Variants in ABLIM2 observed in about 807,000 individuals in gnomAD.
ABLIM2 encodes actin-binding LIM protein 2.
A neutral mutation model predicts 97.7 loss-of-function variants in ABLIM2; 53 were observed. That is an observed-to-expected ratio of 0.54 (90% CI 0.44 to 0.68). ABLIM2 has a LOEUF of 0.68. Ranked by LOEUF, ABLIM2 falls within the 30% of genes least tolerant of loss-of-function variation. The pLI, the probability that ABLIM2 is intolerant of heterozygous loss-of-function variation, is 0.00. For synonymous variants in ABLIM2, 361 were observed against 345.8 expected, an observed-to-expected ratio of 1.04 and a Z score of -0.49; for missense variants, 835 against 867.2, an observed-to-expected ratio of 0.96 and a Z score of 0.47.
chr4:8,059,641 C>T (rs1275314000), intron 7 of ABLIM2, among the ~76,000 whole-genome samples: 1 of 152,114 alleles, frequency 6.6e-6, no homozygotes, highest in African/African-American at 2.4e-5. Context: ...GTGGATCATA[C>T]CTGTAATCTC....
At chr4:7,993,136 C>A (rs1263245782) in intron 16 of ABLIM2, among the ~76,000 whole-genome samples, 1 of 152,216 alleles carries the variant, frequency 6.6e-6, no homozygotes, top group African/African-American at 2.4e-5. Flanking sequence ...ATGTCCTGAG[C>A]CTGCCCGTGA....
Position 8,072,045 on chromosome 4 carries a change from G to T in ABLIM2, c.675+5583C>A. 1 of 985,454 alleles carries T rather than the reference G, an allele frequency of 1.0e-6. No individual in the cohort carries two copies. The allele number at this position is 985,454 out of a possible 1,614,324, so 61.0% of individuals were successfully genotyped here. ...ACCTTGCACCCGGGGAGGATGCTCA[G>T]AGCTGTGCAGAGCCCGCCGACTCAG... On this transcript the variant is annotated intron_variant, in intron 6 of 20. Transcript: ENST00000447017. This position sits in a 1 kb window ranked among gnomAD's most constrained non-coding sequence, Gnocchi z 5.8.
chr4:8,156,171 C>T (rs1262627054), intron 1 of ABLIM2, among the ~76,000 whole-genome samples: 2 of 152,084 alleles, frequency 1.3e-5, no homozygotes. Context: ...TGGTGGCAGA[C>T]CTGGCACTGG....
Position 8,054,673 on chromosome 4 carries a change from A to G in ABLIM2, c.764-427T>C, listed in dbSNP as rs78397085. On this transcript the variant is annotated intron_variant, in intron 7 of 20. Transcript: ENST00000447017. The surrounding 1 kb of genome is among the most constrained non-coding windows in gnomAD (Gnocchi z 4.9). The stretch of plus-strand genomic sequence containing the variant: ...AATGGCTGGGCCCACCTGCAGAGAC[A>G]GCTGGTGCTGCAACCTGGGTGGGAG... Among the ~76,000 whole-genome samples, 2,093 of 152,332 alleles carry G rather than the reference A, an allele frequency of 0.014. 47 individuals are homozygous for G. Among genetic ancestry groups the G allele is most frequent in the African/African-American group, 0.047 (1,970 of 41,570 alleles).
rs993221217 is a variant in ABLIM2, at chr4:8,072,007, G to A, written c.675+5621C>T. The A allele has an allele frequency of 2.8e-5, 28 of 985,462 alleles. No homozygotes were observed. The East Asian group carries it at 5.7e-4, about 20-fold the overall frequency. The allele number at this position is 985,462 out of a possible 1,614,324, so 61.0% of individuals were successfully genotyped here. ...CTTCTGCGGAGCCAGGCTTGTCCCCGCCCGCAGTTCCCACCTTGCACCCGG... is the reference window on the plus strand; with the variant it reads ...CTTCTGCGGAGCCAGGCTTGTCCCCACCCGCAGTTCCCACCTTGCACCCGG... On this transcript the variant is annotated intron_variant, in intron 6 of 20. Transcript: ENST00000447017. This position sits in a 1 kb window ranked among gnomAD's most constrained non-coding sequence, Gnocchi z 5.8.
At chr4:7,982,224 A>C (rs919399075) in intron 20 of ABLIM2, among the ~76,000 whole-genome samples, 3 of 151,086 alleles carry the variant, frequency 2.0e-5, no homozygotes, top group Non-Finnish European at 3.0e-5. Flanking sequence ...AGAGGGAGCC[A>C]CTGCCTGGTG....
At chr4:8,105,620 C>T (rs1056887180) in intron 2 of ABLIM2, among the ~76,000 whole-genome samples, 1 of 152,232 alleles carries the variant, frequency 6.6e-6, no homozygotes, top group Non-Finnish European at 1.5e-5. Context: ...TATGGTTAAG[C>T]GAGTGTGAAT....
At position 8,072,067 on chromosome 4, in the gene ABLIM2, T is replaced by A. The variant is rs1369667013; in HGVS notation, c.675+5561A>T. On this transcript the variant is annotated intron_variant, in intron 6 of 20. Coordinates refer to ENST00000447017, the MANE Select transcript of ABLIM2 (RefSeq NM_001130083.2). The surrounding 1 kb of genome is among the most constrained non-coding windows in gnomAD (Gnocchi z 5.8). The stretch of plus-strand genomic sequence containing the variant: ...TCAGAGCTGTGCAGAGCCCGCCGAC[T>A]CAGCCACGCCGCCACAGACTCGCCT... 2.0e-6 allele frequency: 2 copies of A among 985,264 alleles called. No homozygotes were observed. The highest frequency in any genetic ancestry group is 2.3e-4 in the East Asian group (2 of 8,808). 61.0% of individuals were successfully genotyped at this position (985,264 alleles called of 1,614,324 possible). A position where few individuals can be genotyped will look rare whatever the true frequency, so the allele number is the denominator to read the frequency against.
chr4:8,065,897 C>T (rs1806833485), intron 6 of ABLIM2, among the ~76,000 whole-genome samples: 1 of 147,742 alleles, frequency 6.8e-6, no homozygotes, highest in Non-Finnish European at 1.5e-5. Flanking sequence ...GTACTCCAGC[C>T]TAAGCAACAG....
rs533436970 is a variant in ABLIM2 at position 7,970,501 on chromosome 4, C to T, written c.1825-3398G>A. ...GGAGAGGGAGCGGATGGTGGGCAGG[C>T]GTGCCCCGCATGCTGGGGAAGGAGA... On this transcript the variant is annotated intron_variant, in intron 20 of 20. Coordinates refer to ENST00000447017, the MANE Select transcript of ABLIM2 (RefSeq NM_001130083.2). This position sits in a 1 kb window ranked among gnomAD's most constrained non-coding sequence, Gnocchi z 5.3. Among the ~76,000 whole-genome samples the T allele has an allele frequency of 1.4e-3, 214 of 151,844 alleles. No individual in the cohort carries two copies. The highest frequency in any genetic ancestry group is 4.7e-3 in the African/African-American group (195 of 41,460).
chr4:8,153,470 C>T (rs6824011), intron 1 of ABLIM2, among the ~76,000 whole-genome samples: 151,064 of 152,348 alleles, frequency 0.99, 74,907 homozygotes, highest in Middle Eastern at 1. Context: ...ACTGCCAATG[C>T]CTGGGCAACG....
rs549796536 is a variant in ABLIM2, at chr4:8,058,323, C to T, written c.763+2644G>A. On this transcript the variant is annotated intron_variant, in intron 7 of 20. Transcript: ENST00000447017. This position sits in a 1 kb window ranked among gnomAD's most constrained non-coding sequence, Gnocchi z 4.2. Reference sequence around the variant, plus strand: ...CTCAAGGAACAGGCGACACCGGGGACGAGGCTGTCCTGTCTGACATCACCC... The same window carrying T: ...CTCAAGGAACAGGCGACACCGGGGATGAGGCTGTCCTGTCTGACATCACCC... Among the ~76,000 whole-genome samples the T allele has an allele frequency of 5.9e-5, 9 of 152,208 alleles. No homozygotes were observed. Among genetic ancestry groups the T allele is most frequent in the Non-Finnish European group, 8.8e-5 (6 of 68,042 alleles).
chr4:8,060,791 G>T (rs934093086), intron 7 of ABLIM2, among the ~76,000 whole-genome samples, 176 bp downstream of exon 7: 3 of 152,172 alleles, frequency 2.0e-5, no homozygotes, highest in Non-Finnish European at 2.9e-5. Flanking sequence ...GCAGGCTGAC[G>T]AGGCTGGCCT....
intron 15 of ABLIM2, among the ~76,000 whole-genome samples, chr4:8,008,535 T>C (rs1239622917): frequency 2.0e-5 from 3 of 152,240 alleles, no homozygotes; most frequent in Non-Finnish European, 4.4e-5. Flanking sequence ...GCTCTCCCTA[T>C]GCACAGCCCT....
chr4:8,148,295 G>A lies in ABLIM2; in HGVS notation c.10+10385C>T, dbSNP rs111519877. ...GGATGAGCTGGTGGATGAGAGGGCT[G>A]CAGCTGCAGGTGACCTAAGCAGCAC... On this transcript the variant is annotated intron_variant, in intron 1 of 20. Transcript: ENST00000447017. This position sits in a 1 kb window ranked among gnomAD's most constrained non-coding sequence, Gnocchi z 6.7. Among the ~76,000 whole-genome samples, 1 of 152,210 alleles carries A rather than the reference G, an allele frequency of 6.6e-6. No homozygotes were observed. Among genetic ancestry groups the A allele is most frequent in the African/African-American group, 2.4e-5 (1 of 41,448 alleles).
chr4:8,007,949 T>C, intron 16 of ABLIM2, 110 bp downstream of exon 16: 1 of 1,504,244 alleles, frequency 6.6e-7, no homozygotes, highest in Non-Finnish European at 8.9e-7. Context: ...GCTTTCATGC[T>C]TTTTAACAGG....
chr4:7,990,885 G>A (rs1402027000), intron 17 of ABLIM2, among the ~76,000 whole-genome samples: 1 of 152,182 alleles, frequency 6.6e-6, no homozygotes, highest in Admixed American at 6.5e-5. Context: ...GCAGGGAAAA[G>A]AGAATCCCAA....
chr4:8,051,944 TA>T (rs1476708202), intron 8 of ABLIM2, among the ~76,000 whole-genome samples: 1 of 152,238 alleles, frequency 6.6e-6, no homozygotes, highest in Non-Finnish European at 1.5e-5. Flanking sequence ...CGAGCCCGTG[TA>T]TATACCTGAC....
chr4:7,983,373 C>T (rs766059141), intron 19 of ABLIM2, 29 bp from the exon 20 acceptor site: 3 of 1,604,264 alleles, frequency 1.9e-6, no homozygotes, highest in East Asian at 4.5e-5. Flanking sequence ...ACAGGGTCAC[C>T]TCACGAAGCA....
Sources: gnomAD v4.1 joint callset for allele counts (sites outside exome capture counted in the v4.1 genomes callset) on GRCh38, gnomAD v4.1.1 for gene constraint, Gnocchi (gnomAD v3.1) non-coding constraint, MANE v1.5 for transcripts, NCBI Gene and HGNC (gene_info 2026-07-23, HGNC 2026-07-21) for gene names.